Variants in ALPK1 observed in about 807,000 individuals in gnomAD.
ALPK1 encodes alpha-protein kinase 1.
Under a neutral mutation model 120.6 loss-of-function variants are expected in ALPK1, and 110 were observed. The observed-to-expected ratio is 0.91, with a 90% CI of 0.78 to 1.07. ALPK1 has a LOEUF of 1.07. ALPK1 is among the 50% of genes least tolerant of loss of function. ALPK1 has a pLI of 0.00. For synonymous variants in ALPK1, 582 were observed against 560.3 expected, an observed-to-expected ratio of 1.04 and a Z score of -0.55; for missense variants, 1,498 against 1,483.9, an observed-to-expected ratio of 1.01 and a Z score of -0.16.
chr4:112,410,876 A>G (rs1733422589), intron 4 of ALPK1: 1 of 154,706 alleles, frequency 6.5e-6, no homozygotes, highest in African/African-American at 2.4e-5. Context: ...ATGGACTGTT[A>G]TCTAAAATTC....
intron 1 of ALPK1, among the ~76,000 whole-genome samples, chr4:112,312,774 A>G (rs1728465024): frequency 1.3e-5 from 2 of 152,238 alleles, no homozygotes; most frequent in Non-Finnish European, 2.9e-5. Flanking sequence ...TTATTATGCA[A>G]CAGACAGGTT....
At chr4:112,344,963 G>T (rs934983602) in intron 2 of ALPK1, among the ~76,000 whole-genome samples, 16 of 152,088 alleles carry the variant, frequency 1.1e-4, no homozygotes, top group African/African-American at 3.4e-4. Flanking sequence ...CTACTTTTTC[G>T]TATTTAAAAA....
chr4:112,345,392 A>C (rs1408658225), intron 2 of ALPK1, among the ~76,000 whole-genome samples: 1 of 152,240 alleles, frequency 6.6e-6, no homozygotes, highest in African/African-American at 2.4e-5. Context: ...CCTGATTAAA[A>C]ATACAATGTG....
chr4:112,318,007 T>C (rs1231931157), intron 2 of ALPK1, among the ~76,000 whole-genome samples: 1 of 152,138 alleles, frequency 6.6e-6, no homozygotes, highest in Non-Finnish European at 1.5e-5. Flanking sequence ...ACTATCGTCA[T>C]AAAAATGAGA....
chr4:112,392,719 T>C (rs1447167191), intron 4 of ALPK1, among the ~76,000 whole-genome samples: 1 of 152,044 alleles, frequency 6.6e-6, no homozygotes, highest in Non-Finnish European at 1.5e-5. Context: ...TAGAGATGGG[T>C]TTCCCAGAGC....
At chr4:112,371,074 A>G (rs1731382882) in intron 2 of ALPK1, among the ~76,000 whole-genome samples, 1 of 152,188 alleles carries the variant, frequency 6.6e-6, no homozygotes, top group Non-Finnish European at 1.5e-5. Context: ...AATAACATTC[A>G]TATCTATCCA....
intron 4 of ALPK1, among the ~76,000 whole-genome samples, chr4:112,398,258 G>C (rs541027740): frequency 1.3e-5 from 2 of 152,100 alleles, no homozygotes; most frequent in Admixed American, 6.6e-5. Flanking sequence ...ATATCATATA[G>C]GATTTTATTG....
chr4:112,360,970 C>T (rs752710001), intron 2 of ALPK1, among the ~76,000 whole-genome samples: 1 of 151,902 alleles, frequency 6.6e-6, no homozygotes, highest in South Asian at 2.1e-4. Flanking sequence ...GCTTAGAGAT[C>T]CTGAATATTT....
chr4:112,334,693 T>C (rs1729536129), intron 2 of ALPK1, among the ~76,000 whole-genome samples: 1 of 152,090 alleles, frequency 6.6e-6, no homozygotes, highest in Admixed American at 6.5e-5. Context: ...AAAGTCACAA[T>C]AAGGAGGAAT....
intron 4 of ALPK1, among the ~76,000 whole-genome samples, chr4:112,397,715 A>G (rs909358995): frequency 2.6e-5 from 4 of 152,198 alleles, no homozygotes; most frequent in African/African-American, 4.8e-5. Flanking sequence ...TCTGTTTATG[A>G]CTTAAATGAC....
intron 2 of ALPK1, among the ~76,000 whole-genome samples, chr4:112,350,893 T>C (rs6828630): frequency 0.38 from 58,258 of 152,026 alleles, 12,091 homozygotes; most frequent in Middle Eastern, 0.49. Flanking sequence ...AGTTCTGGAT[T>C]TGGGGACATA....
chr4:112,357,009 A>G (rs1392185687), intron 2 of ALPK1: 3 of 783,918 alleles, frequency 3.8e-6, no homozygotes, highest in Admixed American at 1.7e-5. Context: ...CAGCAGGGCC[A>G]GCCCCAACCG....
intron 1 of ALPK1, among the ~76,000 whole-genome samples, chr4:112,299,225 AAG>A (rs1405496076): frequency 6.6e-6 from 1 of 152,130 alleles, no homozygotes; most frequent in African/African-American, 2.4e-5. Flanking sequence ...ACTTAAAAGA[AAG>A]AATATTATCT....
chr4:112,351,761 G>T (rs528375893), intron 2 of ALPK1, among the ~76,000 whole-genome samples: 1 of 152,130 alleles, frequency 6.6e-6, no homozygotes, highest in East Asian at 1.9e-4. Context: ...GATGTGAGCC[G>T]CTGTGCCCAG....
At chr4:112,304,262 C>A (rs568409802) in intron 1 of ALPK1, among the ~76,000 whole-genome samples, 1 of 152,040 alleles carries the variant, frequency 6.6e-6, no homozygotes. Context: ...TGGGTATATA[C>A]CCAGTAATGG....
intron 2 of ALPK1, among the ~76,000 whole-genome samples, chr4:112,326,558 C>T (rs1729128314): frequency 6.6e-6 from 1 of 152,204 alleles, no homozygotes; most frequent in Non-Finnish European, 1.5e-5. Context: ...CAGGCTTCCA[C>T]TAACAGCTTT....
At chr4:112,344,574 A>T (rs1220188272) in intron 2 of ALPK1, among the ~76,000 whole-genome samples, 2 of 152,232 alleles carry the variant, frequency 1.3e-5, no homozygotes, top group Non-Finnish European at 2.9e-5. Flanking sequence ...CTTGGGTTAC[A>T]TCTTTCAATG....
At chr4:112,305,827 A>G (rs1468712445) in intron 1 of ALPK1, among the ~76,000 whole-genome samples, 1 of 152,068 alleles carries the variant, frequency 6.6e-6, no homozygotes, top group Non-Finnish European at 1.5e-5. Context: ...GTCTTGTGCC[A>G]GTTTTCAAAG....
At chr4:112,428,763 T>C (rs1443499372) in intron 9 of ALPK1, among the ~76,000 whole-genome samples, 2 of 152,210 alleles carry the variant, frequency 1.3e-5, no homozygotes, top group Non-Finnish European at 1.5e-5. Flanking sequence ...CCCTGGAATG[T>C]GGTGGTACTC....
Sources: gnomAD v4.1 joint callset for allele counts (sites outside exome capture counted in the v4.1 genomes callset) on GRCh38, gnomAD v4.1.1 for gene constraint, MANE v1.5 for transcripts, NCBI Gene and HGNC (gene_info 2026-07-23, HGNC 2026-07-21) for gene names.